Variants in NR6A1 observed in about 807,000 individuals in gnomAD.
NR6A1 encodes the protein retinoic acid receptor-related testis-associated receptor.
In NR6A1, 7 loss-of-function variants were observed where a neutral mutation model predicts 59.1. The observed-to-expected ratio is 0.12, with a 90% CI of 0.07 to 0.22. The LOEUF is 0.22. Ranked by LOEUF, NR6A1 falls within the 10% of genes least tolerant of loss-of-function variation. The pLI, the probability that NR6A1 is intolerant of heterozygous loss-of-function variation, is 1.00. For missense variants in NR6A1, 468 were observed against 611.6 expected, an observed-to-expected ratio of 0.77 and a Z score of 2.48; for synonymous variants, 243 against 236.1, an observed-to-expected ratio of 1.03 and a Z score of -0.27.
chr9:124,684,541 C>G (rs1437561715), intron 2 of NR6A1, among the ~76,000 whole-genome samples: 1 of 152,144 alleles, frequency 6.6e-6, no homozygotes, highest in South Asian at 2.1e-4. Flanking sequence ...GGACACTTGG[C>G]CAGGAGCCCA....
At chr9:124,743,922 T>C (rs1840249386) in intron 1 of NR6A1, among the ~76,000 whole-genome samples, 1 of 152,192 alleles carries the variant, frequency 6.6e-6, no homozygotes, top group African/African-American at 2.4e-5. Context: ...CCTTCATTTG[T>C]CTTGGAGGTT....
At chr9:124,705,706 C>CT (rs1296613307) in intron 2 of NR6A1, among the ~76,000 whole-genome samples, 4 of 151,360 alleles carry the variant, frequency 2.6e-5, no homozygotes, top group East Asian at 3.9e-4. Flanking sequence ...CTATTTTTGT[C>CT]TTTTTTTTAA....
chr9:124,550,327 T>C (rs1036177953), intron 3 of NR6A1, among the ~76,000 whole-genome samples: 4 of 152,102 alleles, frequency 2.6e-5, no homozygotes, highest in Non-Finnish European at 5.9e-5. Flanking sequence ...TAGCATCCAT[T>C]AGTAGGTTTT....
chr9:124,559,387 C>A (rs1330269213), intron 2 of NR6A1, among the ~76,000 whole-genome samples: 1 of 152,152 alleles, frequency 6.6e-6, no homozygotes, highest in Non-Finnish European at 1.5e-5. Context: ...CCTGAAGCTT[C>A]CCGCACTGCC....
At chr9:124,615,614 G>A (rs996628384) in intron 2 of NR6A1, among the ~76,000 whole-genome samples, 2 of 151,514 alleles carry the variant, frequency 1.3e-5, no homozygotes, top group Non-Finnish European at 2.9e-5. Flanking sequence ...TGAAATATAA[G>A]GGTTTTTGCC....
intron 2 of NR6A1, among the ~76,000 whole-genome samples, chr9:124,583,587 C>A (rs1378700891): frequency 1.3e-5 from 2 of 152,150 alleles, no homozygotes; most frequent in African/African-American, 4.8e-5. Flanking sequence ...GGCATCCACT[C>A]ACAGATCAAA....
At chr9:124,690,346 C>T (rs1838494044) in intron 2 of NR6A1, among the ~76,000 whole-genome samples, 1 of 152,106 alleles carries the variant, frequency 6.6e-6, no homozygotes, top group Non-Finnish European at 1.5e-5. Context: ...TTTACATCCC[C>T]ATGTTGGAGA....
At chr9:124,745,671 T>TAAAAAA (rs11334137) in intron 1 of NR6A1, among the ~76,000 whole-genome samples, 6 of 121,398 alleles carry the variant, frequency 4.9e-5, no homozygotes, top group African/African-American at 1.6e-4. Context: ...AACTCTGTCT[T>TAAAAAA]AAAAAAAAAA....
chr9:124,726,246 C>T (rs1839714368), intron 2 of NR6A1, among the ~76,000 whole-genome samples: 1 of 152,154 alleles, frequency 6.6e-6, no homozygotes. Context: ...CACCAGTCTC[C>T]ATGACCAAAA....
intron 2 of NR6A1, among the ~76,000 whole-genome samples, chr9:124,684,647 G>A (rs1011366297): frequency 6.6e-6 from 1 of 152,066 alleles, no homozygotes; most frequent in African/African-American, 2.4e-5. Flanking sequence ...GAGCAGCCAG[G>A]GGTTCCTCGA....
At chr9:124,623,334 T>A (rs533937685) in intron 2 of NR6A1, among the ~76,000 whole-genome samples, 10 of 152,022 alleles carry the variant, frequency 6.6e-5, no homozygotes, top group African/African-American at 1.2e-4. Flanking sequence ...GGATAGTGTA[T>A]GTCTCATGAG....
chr9:124,659,679 A>G (rs141992961), intron 2 of NR6A1, among the ~76,000 whole-genome samples: 40 of 152,286 alleles, frequency 2.6e-4, no homozygotes, highest in Non-Finnish European at 4.4e-4. Flanking sequence ...AGAAACCTAA[A>G]AGTCTCCTTA....
intron 2 of NR6A1, among the ~76,000 whole-genome samples, chr9:124,625,359 G>A (rs1298395506): frequency 6.6e-6 from 1 of 152,090 alleles, no homozygotes; most frequent in Non-Finnish European, 1.5e-5. Context: ...ATAGTGTCTC[G>A]CTTTGCCACC....
chr9:124,564,969 T>G (rs1834195220), intron 2 of NR6A1, among the ~76,000 whole-genome samples: 1 of 152,116 alleles, frequency 6.6e-6, no homozygotes, highest in Admixed American at 6.5e-5. Flanking sequence ...AAGACAAGGC[T>G]TTTCAATGAA....
At chr9:124,621,362 C>T (rs1836067348) in intron 2 of NR6A1, among the ~76,000 whole-genome samples, 1 of 151,870 alleles carries the variant, frequency 6.6e-6, no homozygotes, top group South Asian at 2.1e-4. Context: ...TCAAGAAATG[C>T]TTATTAGGCT....
At chr9:124,535,159 T>C (rs1455819231) in intron 7 of NR6A1, among the ~76,000 whole-genome samples, 1 of 152,008 alleles carries the variant, frequency 6.6e-6, no homozygotes, top group Non-Finnish European at 1.5e-5. Flanking sequence ...TGGCACACTA[T>C]AGGCACCAAA....
chr9:124,759,864 AC>A (rs1211095399), intron 1 of NR6A1, among the ~76,000 whole-genome samples: 2 of 152,088 alleles, frequency 1.3e-5, no homozygotes, highest in African/African-American at 4.8e-5. Flanking sequence ...ACACAGTGAC[AC>A]CCTGTCTCTA....
intron 3 of NR6A1, among the ~76,000 whole-genome samples, chr9:124,545,340 C>A (rs868104821): frequency 6.6e-6 from 1 of 152,204 alleles, no homozygotes; most frequent in Non-Finnish European, 1.5e-5. Flanking sequence ...CTCTCCCTAG[C>A]CTCTTTGAGT....
intron 2 of NR6A1, among the ~76,000 whole-genome samples, chr9:124,672,119 C>T (rs185200667): frequency 3.0e-4 from 45 of 152,276 alleles, no homozygotes; most frequent in Admixed American, 9.8e-4. Flanking sequence ...AACCATGCTG[C>T]GGCATGTTGT....
Sources: allele counts gnomAD v4.1 joint callset (sites outside exome capture counted in the v4.1 genomes callset), GRCh38; gene constraint gnomAD v4.1.1; transcripts MANE v1.5; gene names NCBI Gene and HGNC (gene_info 2026-07-23, HGNC 2026-07-21).